The following APPL1 variants were observed in gnomAD, a reference collection of about 807,000 sequenced individuals.
The protein encoded by APPL1 is adaptor protein, phosphotyrosine interacting with PH domain and leucine zipper 1, also known as DCC-interacting protein 13-alpha.
A neutral mutation model predicts 106.8 loss-of-function variants in APPL1; 42 were observed. That is an observed-to-expected ratio of 0.39 (90% CI 0.31 to 0.51). APPL1 has a LOEUF of 0.51. Ranked by LOEUF, APPL1 falls within the 20% of genes least tolerant of loss-of-function variation. The pLI is 0.75. For missense variants in APPL1, 769 were observed against 858.2 expected, an observed-to-expected ratio of 0.90 and a Z score of 1.30; for synonymous variants, 263 against 281.8, an observed-to-expected ratio of 0.93 and a Z score of 0.67.
At chr3:57,229,633 C>T (rs563259528) in intron 1 of APPL1, among the ~76,000 whole-genome samples, 1 of 146,668 alleles carries the variant, frequency 6.8e-6, no homozygotes, top group Non-Finnish European at 1.5e-5. Flanking sequence ...AACACCTATG[C>T]TGAAGTGATC....
chr3:57,238,579 A>G (rs1488765795), intron 4 of APPL1, among the ~76,000 whole-genome samples: 1 of 152,240 alleles, frequency 6.6e-6, no homozygotes, highest in Non-Finnish European at 1.5e-5. Flanking sequence ...AAAGGTAGTG[A>G]GAGATTATGG....
At chr3:57,239,181 T>C (rs774392810) in intron 4 of APPL1, among the ~76,000 whole-genome samples, 2 of 152,190 alleles carry the variant, frequency 1.3e-5, no homozygotes, top group Non-Finnish European at 2.9e-5. Context: ...GCCCCCATGA[T>C]TCAGTTATCT....
chr3:57,256,326 C>A (rs1383480233), intron 13 of APPL1, among the ~76,000 whole-genome samples: 1 of 117,434 alleles, frequency 8.5e-6, no homozygotes, highest in Non-Finnish European at 1.7e-5. Context: ...AATTTAAATA[C>A]CATTTTTTAT....
rs1325606128 is a variant in APPL1 at position 57,260,714 on chromosome 3, A to C, written c.1782A>C (p.Arg594Ser). 1.2e-6 allele frequency: 2 copies of C among 1,612,548 alleles called. No homozygotes were observed. The highest frequency in any genetic ancestry group is 1.3e-5 in the African/African-American group (1 of 74,830). Residue 594 changes from arginine to serine, a missense_variant, in exon 19 of 22, where the codon AGA becomes AGC. Physicochemically the swap from Arg to Ser is moderately radical, Grantham distance 110. Transcript: ENST00000288266. ...TTGTTCTTCGGACATCAAGCGGGAG[A>C]AGTGAAAGTAATCTGTCATCAGTCT... ...FGFVLRTSSGRSESNLSSVCY... is the reference protein window; with the variant it reads ...FGFVLRTSSGSSESNLSSVCY...
At chr3:57,262,144 T>C (rs1221921391) in intron 19 of APPL1, among the ~76,000 whole-genome samples, 1 of 152,152 alleles carries the variant, frequency 6.6e-6, no homozygotes, top group East Asian at 1.9e-4. Context: ...TCGTTGTATA[T>C]TCTGGATATT....
chr3:57,247,550 A>G, intron 9 of APPL1, 73 bp downstream of exon 9: 1 of 950,680 alleles, frequency 1.1e-6, no homozygotes, highest in Non-Finnish European at 1.6e-6. Flanking sequence ...TAATGTAAAG[A>G]TATTTATCAT....
chr3:57,256,312 C>T (rs1421001335), intron 13 of APPL1, among the ~76,000 whole-genome samples: 2 of 137,458 alleles, frequency 1.5e-5, no homozygotes, highest in Non-Finnish European at 3.1e-5. Context: ...TAAAACAGAT[C>T]TCTAATTTAA....
rs552498642 is a variant in APPL1 at position 57,270,104 on chromosome 3, T to A, written c.*417T>A. 6.5e-6 allele frequency: 1 copy of A among 154,816 alleles called. No individual in the cohort carries two copies. Among genetic ancestry groups the A allele is most frequent in the African/African-American group, 2.4e-5 (1 of 41,620 alleles). The allele number at this position is 154,816 out of a possible 1,614,324, so 9.6% of individuals were successfully genotyped here. On this transcript the variant is annotated 3_prime_UTR_variant, in exon 22 of 22. Coordinates refer to ENST00000288266, the MANE Select transcript of APPL1 (RefSeq NM_012096.3). ...ACATTTTGCTGGTGATGAGGAAGCATTTAGCTGAATAAGTTTAAAGCCCTT... is the reference window on the plus strand; with the variant it reads ...ACATTTTGCTGGTGATGAGGAAGCAATTAGCTGAATAAGTTTAAAGCCCTT...
At chr3:57,232,647 C>T (rs1171635354) in intron 1 of APPL1, among the ~76,000 whole-genome samples, 1 of 152,134 alleles carries the variant, frequency 6.6e-6, no homozygotes, top group East Asian at 1.9e-4. Context: ...TACTTACCTC[C>T]TCATGGCACA....
At chr3:57,264,150 T>C (rs991822739) in intron 19 of APPL1, among the ~76,000 whole-genome samples, 2 of 152,182 alleles carry the variant, frequency 1.3e-5, no homozygotes, top group African/African-American at 2.4e-5. Context: ...TTGAGGACCT[T>C]TTCATATGCC....
intron 14 of APPL1, 53 bp downstream of exon 14, chr3:57,257,104 C>T: frequency 6.3e-7 from 1 of 1,583,322 alleles, no homozygotes; most frequent in Non-Finnish European, 8.7e-7. Context: ...TTTAAAGTAT[C>T]TGTGATCTGG....
At position 57,270,236 on chromosome 3, in the gene APPL1, T is replaced by G. The variant is rs1673923266; in HGVS notation, c.*549T>G. The G allele has an allele frequency of 6.5e-6, 1 of 152,718 alleles. No individual in the cohort carries two copies. The highest frequency in any genetic ancestry group is 2.4e-5 in the African/African-American group (1 of 41,464). 9.5% of individuals were successfully genotyped at this position (152,718 alleles called of 1,614,324 possible). On this transcript the variant is annotated 3_prime_UTR_variant, in exon 22 of 22. Transcript: ENST00000288266. ...AGATTTTACAGTTAAGGTTTCAAATTGTGGCAGGTGGTACTGTTGATCTCA... is the reference window on the plus strand; with the variant it reads ...AGATTTTACAGTTAAGGTTTCAAATGGTGGCAGGTGGTACTGTTGATCTCA...
intron 4 of APPL1, among the ~76,000 whole-genome samples, chr3:57,239,066 C>T (rs769578551): frequency 3.9e-5 from 6 of 152,128 alleles, no homozygotes; most frequent in African/African-American, 7.2e-5. Flanking sequence ...TCTTACATGG[C>T]GGCAGATGAG....
At position 57,235,355 on chromosome 3, in the gene APPL1, A is replaced by G. The variant is rs1579380468; in HGVS notation, c.55-211A>G. The stretch of plus-strand genomic sequence containing the variant: ...TTGTTTCTCCTAAAGTTTGTGTGAC[A>G]TAGTTGGAAAATACCTCTGCTTTGT... On this transcript the variant is annotated intron_variant, in intron 1 of 21. Coordinates refer to ENST00000288266, the MANE Select transcript of APPL1 (RefSeq NM_012096.3). 1.3e-5 allele frequency among the ~76,000 whole-genome samples: 2 copies of G among 152,320 alleles called. 1 individual carries two copies. The highest frequency in any genetic ancestry group is 4.1e-4 in the South Asian group (2 of 4,826).
chr3:57,256,382 T>C (rs1377858972), intron 13 of APPL1, among the ~76,000 whole-genome samples: 2 of 152,244 alleles, frequency 1.3e-5, no homozygotes, highest in Admixed American at 6.5e-5. Context: ...GTATTTCTTA[T>C]GGAAAGCTTT....
intron 1 of APPL1, among the ~76,000 whole-genome samples, chr3:57,230,962 AT>A (rs1163194280): frequency 2.0e-5 from 3 of 151,942 alleles, no homozygotes; most frequent in African/African-American, 7.2e-5. Context: ...CAGTGGCATG[AT>A]CTTGGCTCAC....
intron 7 of APPL1, among the ~76,000 whole-genome samples, chr3:57,244,497 A>G (rs980929380): frequency 6.6e-6 from 1 of 152,164 alleles, no homozygotes; most frequent in East Asian, 1.9e-4. Flanking sequence ...TACATTAAAG[A>G]TAAGTGGATA....
At chr3:57,240,328 A>T in intron 4 of APPL1, 137 bp from the exon 5 acceptor site, 1 of 658,616 alleles carries the variant, frequency 1.5e-6, no homozygotes, top group Non-Finnish European at 2.6e-6. Context: ...AGTATTTTGT[A>T]CTATATCACA....
intron 4 of APPL1, among the ~76,000 whole-genome samples, chr3:57,238,538 TAAAAC>T (rs1403715816): frequency 6.6e-6 from 1 of 152,104 alleles, no homozygotes; most frequent in African/African-American, 2.4e-5. Flanking sequence ...AACAAATCAT[TAAAAC>T]AAAGACCTAA....
Sources: allele counts gnomAD v4.1 joint callset (sites outside exome capture counted in the v4.1 genomes callset), GRCh38; gene constraint gnomAD v4.1.1; transcripts MANE v1.5; gene names NCBI Gene and HGNC (gene_info 2026-07-23, HGNC 2026-07-21).